The following FARS2 variants were observed in gnomAD, a reference collection of about 807,000 sequenced individuals.
The protein encoded by FARS2 is phenylalanine--tRNA ligase, mitochondrial.
In FARS2, 40 loss-of-function variants were observed where a neutral mutation model predicts 46.4. The observed-to-expected ratio is 0.86, with a 90% CI of 0.67 to 1.12. The LOEUF (loss-of-function observed/expected upper bound fraction) is 1.12. FARS2 is among the 50% of genes most tolerant of loss of function. The pLI, the probability that FARS2 is intolerant of heterozygous loss-of-function variation, is 0.00. For synonymous variants in FARS2, 234 were observed against 214.9 expected (o/e 1.09, Z -0.78); for missense variants, 513 against 567.9 (o/e 0.90, Z 0.98).
intron 5 of FARS2, among the ~76,000 whole-genome samples, chr6:5,551,985 T>C (rs978952974): frequency 9.9e-5 from 15 of 152,206 alleles, no homozygotes; most frequent in African/African-American, 3.1e-4. Context: ...TAATGTAGGA[T>C]AACGTATTCT....
At chr6:5,456,732 A>AAAAAAG (rs1764900953) in intron 4 of FARS2, among the ~76,000 whole-genome samples, 1 of 148,084 alleles carries the variant, frequency 6.8e-6, no homozygotes, top group Non-Finnish European at 1.5e-5. Flanking sequence ...CTCCATCTCA[A>AAAAAAG]AAAAAAAAAA....
intron 1 of FARS2, among the ~76,000 whole-genome samples, chr6:5,299,901 A>G (rs777138470): frequency 3.3e-5 from 5 of 152,146 alleles, no homozygotes; most frequent in African/African-American, 1.2e-4. Context: ...CTCAGTCTCG[A>G]TAGTCACATA....
At chr6:5,284,008 C>A (rs1766940732) in intron 1 of FARS2, among the ~76,000 whole-genome samples, 1 of 152,204 alleles carries the variant, frequency 6.6e-6, no homozygotes, top group Admixed American at 6.5e-5. Flanking sequence ...AAATTATCTT[C>A]TACAAAGGTT....
At chr6:5,703,804 A>G (rs1758580370) in intron 6 of FARS2, among the ~76,000 whole-genome samples, 1 of 152,162 alleles carries the variant, frequency 6.6e-6, no homozygotes, top group Non-Finnish European at 1.5e-5. Context: ...CCTGTATCCC[A>G]GAGCTCTCCC....
At chr6:5,621,633 A>G (rs1775781892) in intron 6 of FARS2, among the ~76,000 whole-genome samples, 1 of 152,196 alleles carries the variant, frequency 6.6e-6, no homozygotes, top group South Asian at 2.1e-4. Context: ...CAAGCTGTGT[A>G]TGTCTGTCTC....
At chr6:5,256,821 T>C (rs1309449019), upstream of FARS2, among the ~76,000 whole-genome samples, 2 of 152,202 alleles carry the variant, frequency 1.3e-5, no homozygotes, top group Non-Finnish European at 2.9e-5. Context: ...CTGTATTACC[T>C]GAGTCAGTTA....
intron 1 of FARS2, among the ~76,000 whole-genome samples, chr6:5,286,944 G>C (rs1348406675): frequency 1.3e-5 from 2 of 152,220 alleles, no homozygotes; most frequent in Non-Finnish European, 2.9e-5. Context: ...CAGAAAGCCT[G>C]ACCTCATCAG....
intron 4 of FARS2, among the ~76,000 whole-genome samples, chr6:5,539,384 G>GTGTGTATGTGTGTATATATATATATATA: frequency 1.3e-5 from 1 of 79,582 alleles, no homozygotes; most frequent in African/African-American, 4.6e-5. Context: ...TTTTTTTTGT[G>GTGTGTATGTGTGTATATATATATATATA]TATATATATA....
intron 4 of FARS2, among the ~76,000 whole-genome samples, chr6:5,453,462 CCG>C (rs1764628229): frequency 6.6e-6 from 1 of 152,114 alleles, no homozygotes; most frequent in South Asian, 2.1e-4. Flanking sequence ...ATATTCTTGA[CCG>C]AGAAAACTGA....
chr6:5,636,580 A>G (rs1582640678), intron 6 of FARS2, among the ~76,000 whole-genome samples: 1 of 152,258 alleles, frequency 6.6e-6, no homozygotes, highest in Non-Finnish European at 1.5e-5. Context: ...CAGCAAGGCA[A>G]AGAATGGCAG....
intron 1 of FARS2, among the ~76,000 whole-genome samples, chr6:5,289,987 T>A (rs1471741241): frequency 6.6e-6 from 1 of 152,194 alleles, no homozygotes; most frequent in East Asian, 1.9e-4. Context: ...CTCTTTTGTG[T>A]TCATGGTTCT....
At chr6:5,623,442 G>A (rs563735721) in intron 6 of FARS2, among the ~76,000 whole-genome samples, 6 of 152,144 alleles carry the variant, frequency 3.9e-5, no homozygotes, top group African/African-American at 4.8e-5. Flanking sequence ...GGCCGGGCAC[G>A]GTGGCTCATG....
At chr6:5,287,531 C>T (rs984046735) in intron 1 of FARS2, among the ~76,000 whole-genome samples, 2 of 152,160 alleles carry the variant, frequency 1.3e-5, no homozygotes, top group African/African-American at 4.8e-5. Flanking sequence ...TTAGCCTGCC[C>T]CTGGCCTGGT....
At chr6:5,264,316 A>AT (rs1177237594) in intron 1 of FARS2, among the ~76,000 whole-genome samples, 1 of 152,198 alleles carries the variant, frequency 6.6e-6, no homozygotes, top group Non-Finnish European at 1.5e-5. Flanking sequence ...GAATCCAAGT[A>AT]TTATACATTG....
intron 6 of FARS2, among the ~76,000 whole-genome samples, chr6:5,687,760 T>A (rs1489114483): frequency 1.3e-5 from 2 of 152,204 alleles, no homozygotes; most frequent in Non-Finnish European, 2.9e-5. Flanking sequence ...ACTTGATGGG[T>A]ATGGCATTGA....
In FARS2 at chr6:5,561,350, C is replaced by G. The variant is rs184951564; in HGVS notation, c.1065+16010C>G. On this transcript the variant is annotated intron_variant, in intron 5 of 6. Coordinates refer to ENST00000274680, the MANE Select transcript of FARS2 (RefSeq NM_006567.5). ...AAGTATATTGTTTGAGTATTTGTTT[C>G]TGTGAGGGGTTATGAGTGGTACATT... is the stretch of plus-strand genomic sequence containing the variant. 1.1e-4 allele frequency among the ~76,000 whole-genome samples: 17 copies of G among 152,002 alleles called. 1 individual carries two copies. The highest frequency in any genetic ancestry group is 7.9e-4 in the Admixed American group (12 of 15,268).
intron 3 of FARS2, among the ~76,000 whole-genome samples, chr6:5,423,255 C>T (rs193142001): frequency 1.4e-3 from 219 of 152,070 alleles, no homozygotes; most frequent in Middle Eastern, 0.014. Context: ...TGGACTGTCC[C>T]CTCTGCTGCT....
Position 5,508,488 on chromosome 6 carries a change from C to T in FARS2, c.905-36692C>T, listed in dbSNP as rs146079532. ...GAATGCAGAGAGGCCAGGAGGGAATCTGTGAATTAGCAGGAGATCTTCTTG... is the reference window on the plus strand; with the variant it reads ...GAATGCAGAGAGGCCAGGAGGGAATTTGTGAATTAGCAGGAGATCTTCTTG... On this transcript the variant is annotated intron_variant, in intron 4 of 6. Transcript: ENST00000274680. Among the ~76,000 whole-genome samples the T allele has an allele frequency of 6.3e-3, 934 of 148,500 alleles. 14 individuals are homozygous for T. The highest frequency in any genetic ancestry group is 0.022 in the African/African-American group (876 of 39,746).
intron 2 of FARS2, among the ~76,000 whole-genome samples, chr6:5,381,899 G>A (rs1229371404): frequency 2.0e-5 from 3 of 152,186 alleles, no homozygotes; most frequent in Non-Finnish European, 4.4e-5. Flanking sequence ...GTCTCTCTCC[G>A]AGGGCTGGGA....
Sources: allele counts gnomAD v4.1 joint callset (sites outside exome capture counted in the v4.1 genomes callset), GRCh38; gene constraint gnomAD v4.1.1; transcripts MANE v1.5; gene names NCBI Gene and HGNC (gene_info 2026-07-23, HGNC 2026-07-21).